Variants in FSTL5 observed in about 807,000 individuals in gnomAD.
FSTL5 encodes follistatin like 5.
Under a neutral mutation model 89.1 loss-of-function variants are expected in FSTL5, and 62 were observed. The ratio of observed to expected loss-of-function variants is 0.70; its 90% CI spans 0.57 to 0.86. FSTL5 has a LOEUF of 0.86. Ranked by LOEUF, FSTL5 falls within the 40% of genes least tolerant of loss-of-function variation. The pLI is 0.00. For missense variants in FSTL5, 1,057 were observed against 1,001.6 expected, an observed-to-expected ratio of 1.06 and a Z score of -0.75; for synonymous variants, 383 against 346.2, an observed-to-expected ratio of 1.11 and a Z score of -1.18.
In FSTL5 at chr4:161,414,782, T is replaced by C. The variant is rs77934207; in HGVS notation, c.1842-28333A>G. On this transcript the variant is annotated intron_variant, in intron 15 of 15. Transcript: ENST00000306100. ...TTTAAAACAATGATATGAATTCTAATGTCAAAAGAGAATATTCTGATTCAG... is the reference window on the plus strand; with the variant it reads ...TTTAAAACAATGATATGAATTCTAACGTCAAAAGAGAATATTCTGATTCAG... Among the ~76,000 whole-genome samples, 529 of 152,336 alleles carry C rather than the reference T, an allele frequency of 3.5e-3. 13 individuals carry two copies. The East Asian group carries it at 0.054, about 16-fold the overall frequency.
Position 162,111,261 on chromosome 4 carries a change from T to C in FSTL5, c.126+10A>G, listed in dbSNP as rs774704700. On this transcript the variant is annotated intron_variant, in intron 2 of 15. Transcript: ENST00000306100. ...AGGCACTATGAGCAGATTCAGAATA[T>C]TGACTGTACCTTATGTCGCAATCTC... The C allele has an allele frequency of 2.5e-5, 40 of 1,592,612 alleles. No homozygotes were observed. Among genetic ancestry groups the C allele is most frequent in the African/African-American group, 5.4e-5 (4 of 74,546 alleles).
At chr4:161,615,579 T>C (rs1734837585) in intron 7 of FSTL5, among the ~76,000 whole-genome samples, 1 of 152,008 alleles carries the variant, frequency 6.6e-6, no homozygotes, top group Admixed American at 6.6e-5. Context: ...ACAAACTGCA[T>C]TTATCAAATG....
At chr4:161,962,379 G>T (rs1735206534) in intron 3 of FSTL5, among the ~76,000 whole-genome samples, 1 of 151,850 alleles carries the variant, frequency 6.6e-6, no homozygotes, top group Non-Finnish European at 1.5e-5. Flanking sequence ...ATCTCTGTTT[G>T]CTACTTTAGC....
At chr4:162,158,092 T>C (rs934641491) in intron 1 of FSTL5, among the ~76,000 whole-genome samples, 1 of 152,128 alleles carries the variant, frequency 6.6e-6, no homozygotes, top group African/African-American at 2.4e-5. Flanking sequence ...AAAACTTTAG[T>C]AGCTAAGTAA....
chr4:161,597,182 TA>T (rs1734045197), intron 7 of FSTL5, among the ~76,000 whole-genome samples: 1 of 152,132 alleles, frequency 6.6e-6, no homozygotes, highest in Non-Finnish European at 1.5e-5. Context: ...TTTAAGTCTT[TA>T]ATCCATCTTA....
intron 4 of FSTL5, among the ~76,000 whole-genome samples, chr4:161,858,871 T>A (rs1579147354): frequency 6.6e-6 from 1 of 152,190 alleles, no homozygotes; most frequent in African/African-American, 2.4e-5. Context: ...CATTCTGTAA[T>A]ACATTTATGT....
chr4:161,753,139 A>G (rs1740457061), intron 6 of FSTL5, among the ~76,000 whole-genome samples: 1 of 152,172 alleles, frequency 6.6e-6, no homozygotes, highest in Admixed American at 6.5e-5. Flanking sequence ...ACCTTCTGAC[A>G]GATCTTCAGT....
chr4:161,811,326 G>T (rs923685053), intron 4 of FSTL5, among the ~76,000 whole-genome samples: 1 of 152,158 alleles, frequency 6.6e-6, no homozygotes, highest in African/African-American at 2.4e-5. Context: ...ACTTTTCTTT[G>T]CTGGATAATC....
At chr4:161,856,887 A>G (rs2126886090) in intron 4 of FSTL5, among the ~76,000 whole-genome samples, 1 of 152,268 alleles carries the variant, frequency 6.6e-6, no homozygotes, top group South Asian at 2.1e-4. Context: ...TAGGCAGAGT[A>G]CTCAAGGCTG....
rs560011674 is a variant in FSTL5, at chr4:161,569,310, T to G, written c.1015+18145A>C. ...AAGCCATGGCTGCCATAAACATTTCTTGGTATCCAAGATCTGGGCCCAAGG... is the reference window on the plus strand; with the variant it reads ...AAGCCATGGCTGCCATAAACATTTCGTGGTATCCAAGATCTGGGCCCAAGG... On this transcript the variant is annotated intron_variant, in intron 8 of 15. Coordinates refer to ENST00000306100, the MANE Select transcript of FSTL5 (RefSeq NM_020116.5). 1.4e-3 allele frequency among the ~76,000 whole-genome samples: 209 copies of G among 152,290 alleles called. 1 individual carries two copies. The highest frequency in any genetic ancestry group is 4.8e-3 in the African/African-American group (198 of 41,570).
intron 7 of FSTL5, among the ~76,000 whole-genome samples, chr4:161,647,501 T>C (rs923241304): frequency 6.7e-6 from 1 of 149,612 alleles, no homozygotes; most frequent in Admixed American, 6.8e-5. Context: ...AATTTCAGGA[T>C]TGTTGCTTTT....
chr4:161,838,801 T>C (rs550022886), intron 4 of FSTL5, among the ~76,000 whole-genome samples: 390 of 152,152 alleles, frequency 2.6e-3, no homozygotes, highest in Non-Finnish European at 4.9e-3. Context: ...TAAGAGCACA[T>C]GGAATACTCA....
chr4:161,855,715 T>C (rs1731700621), intron 4 of FSTL5, among the ~76,000 whole-genome samples: 6 of 152,130 alleles, frequency 3.9e-5, no homozygotes, highest in Admixed American at 3.9e-4. Flanking sequence ...TACAGTGCTA[T>C]TAGAGAAACA....
At chr4:162,097,332 G>T (rs898107268) in intron 2 of FSTL5, among the ~76,000 whole-genome samples, 2 of 151,446 alleles carry the variant, frequency 1.3e-5, no homozygotes, top group African/African-American at 2.4e-5. Flanking sequence ...GTGTGTATAC[G>T]CATATATTTG....
intron 6 of FSTL5, among the ~76,000 whole-genome samples, chr4:161,693,725 G>A (rs1560793555): frequency 7.2e-6 from 1 of 138,932 alleles, no homozygotes; most frequent in Admixed American, 8.2e-5. Context: ...TGCAAGCTCT[G>A]CATCCCGGGT....
At chr4:161,474,643 T>G (rs1471069162) in intron 13 of FSTL5, among the ~76,000 whole-genome samples, 1 of 151,850 alleles carries the variant, frequency 6.6e-6, no homozygotes, top group Admixed American at 6.6e-5. Context: ...CCTCCCAGGT[T>G]CAAGTGATTC....
chr4:161,972,912 G>A (rs1473408175), intron 3 of FSTL5, among the ~76,000 whole-genome samples: 2 of 152,140 alleles, frequency 1.3e-5, no homozygotes, highest in Admixed American at 1.3e-4. Context: ...TTACACACTT[G>A]TTTATAAAAA....
intron 15 of FSTL5, among the ~76,000 whole-genome samples, chr4:161,409,634 C>A (rs764049387): frequency 6.6e-6 from 1 of 152,140 alleles, no homozygotes; most frequent in Non-Finnish European, 1.5e-5. Context: ...CCTGCCTTGG[C>A]CTCCCAAAGT....
chr4:161,465,236 T>C (rs7668281), intron 13 of FSTL5, among the ~76,000 whole-genome samples: 105,669 of 151,866 alleles, frequency 0.7, 37,117 homozygotes, highest in East Asian at 0.84. Flanking sequence ...ATTCTCTTCC[T>C]GTAACTAGTC....
Sources: allele counts gnomAD v4.1 joint callset (sites outside exome capture counted in the v4.1 genomes callset), GRCh38; gene constraint gnomAD v4.1.1; transcripts MANE v1.5; gene names NCBI Gene and HGNC (gene_info 2026-07-23, HGNC 2026-07-21).